Variants in SEMA6D observed in about 807,000 individuals in gnomAD.
The protein encoded by SEMA6D is semaphorin-6D.
In SEMA6D, 35 loss-of-function variants were observed where a neutral mutation model predicts 106.6. The observed-to-expected ratio is 0.33, with a 90% CI of 0.25 to 0.44. The LOEUF (loss-of-function observed/expected upper bound fraction) is 0.44. Among genes scored for constraint, SEMA6D ranks in the 20% least tolerant of loss-of-function variants. SEMA6D has a pLI of 1.00. For missense variants in SEMA6D, 1,185 were observed against 1,345.9 expected (o/e 0.88, Z 1.87); for synonymous variants, 499 against 487.7 (o/e 1.02, Z -0.31).
At chr15:47,197,598 C>G (rs969873967) in intron 1 of SEMA6D, among the ~76,000 whole-genome samples, 1 of 150,408 alleles carries the variant, frequency 6.6e-6, no homozygotes, top group Admixed American at 6.6e-5. Context: ...ATAGTTCATT[C>G]ATAGCCTCTA....
intron 3 of SEMA6D, among the ~76,000 whole-genome samples, chr15:47,495,608 A>T (rs2043628490): frequency 2.0e-5 from 3 of 152,120 alleles, no homozygotes; most frequent in African/African-American, 7.2e-5. Flanking sequence ...TTCTAGTCCG[A>T]ATGTGTGTTT....
chr15:47,198,136 A>T (rs1443149559), intron 1 of SEMA6D, among the ~76,000 whole-genome samples: 1 of 152,112 alleles, frequency 6.6e-6, no homozygotes, highest in Non-Finnish European at 1.5e-5. Flanking sequence ...AATGTAAAAA[A>T]TTGATCTCAT....
chr15:47,559,517 T>C (rs778194811), intron 3 of SEMA6D, among the ~76,000 whole-genome samples: 18 of 152,066 alleles, frequency 1.2e-4, no homozygotes, highest in South Asian at 4.1e-4. Context: ...TATTGGAGCA[T>C]TGACAGTTAA....
intron 18 of SEMA6D, among the ~76,000 whole-genome samples, chr15:47,769,945 A>G (rs891722561): frequency 6.6e-6 from 1 of 152,162 alleles, no homozygotes; most frequent in African/African-American, 2.4e-5. Flanking sequence ...CCAAGCAAAC[A>G]TGAAAGTCTC....
At chr15:47,450,536 C>A (rs968526219) in intron 2 of SEMA6D, among the ~76,000 whole-genome samples, 35 of 152,214 alleles carry the variant, frequency 2.3e-4, no homozygotes, top group African/African-American at 8.2e-4. Flanking sequence ...CTGGCTTCTT[C>A]AAACTGTTTA....
At chr15:47,497,912 C>T (rs1001890140) in intron 3 of SEMA6D, among the ~76,000 whole-genome samples, 1 of 152,086 alleles carries the variant, frequency 6.6e-6, no homozygotes, top group Non-Finnish European at 1.5e-5. Context: ...GAGTTACCTT[C>T]ATCTGTCTAA....
At chr15:47,725,329 A>G (rs2079675079) in intron 1 of SEMA6D, among the ~76,000 whole-genome samples, 1 of 152,236 alleles carries the variant, frequency 6.6e-6, no homozygotes, top group African/African-American at 2.4e-5. Flanking sequence ...TACATTGCAG[A>G]TATAGTTTAT....
chr15:47,646,145 A>G (rs888352460), intron 4 of SEMA6D, among the ~76,000 whole-genome samples: 2 of 152,102 alleles, frequency 1.3e-5, no homozygotes, highest in Admixed American at 6.6e-5. Flanking sequence ...GGTGGGGCCA[A>G]TAGTCCCAAC....
intron 3 of SEMA6D, among the ~76,000 whole-genome samples, chr15:47,478,568 G>A (rs978819150): frequency 1.3e-5 from 2 of 152,160 alleles, no homozygotes; most frequent in Non-Finnish European, 2.9e-5. Flanking sequence ...TACAGTAAAA[G>A]CAAAGAGCCA....
rs1293233025 is a variant in SEMA6D, at chr15:47,518,592, A to G, written c.-87+48047A>G. On this transcript the variant is annotated intron_variant, in intron 3 of 19. Transcript: ENST00000558014. ...AGTTTTAGAACAACGGTAAGTATTT[A>G]TATATCTAAATATACCTAAACATGG... Among the ~76,000 whole-genome samples the G allele has an allele frequency of 5.3e-5, 8 of 152,362 alleles. 2 individuals are homozygous for G. The South Asian group carries it at 1.0e-3, about 20-fold the overall frequency.
At chr15:47,703,649 A>G (rs1168701862) in intron 4 of SEMA6D, among the ~76,000 whole-genome samples, 1 of 152,186 alleles carries the variant, frequency 6.6e-6, no homozygotes, top group African/African-American at 2.4e-5. Flanking sequence ...AAAGTAGAAA[A>G]TTAATATTAT....
rs2082336885 is a variant in SEMA6D at position 47,766,331 on chromosome 15, A to G, written c.1646+149A>G. Reference sequence around the variant, plus strand: ...GAAAACGAAAACCAGGAGACGTGACAAGGAAGGGAATAATAATACTTAAGG... The same window carrying G: ...GAAAACGAAAACCAGGAGACGTGACGAGGAAGGGAATAATAATACTTAAGG... On this transcript the variant is annotated intron_variant, in intron 15 of 18. Coordinates refer to ENST00000536845, the MANE Select transcript of SEMA6D (RefSeq NM_001358351.3). 4.2e-6 allele frequency: 3 copies of G among 708,848 alleles called. No individual in the cohort carries two copies. The African/African-American group carries it at 5.4e-5, about 13-fold the overall frequency. 43.9% of individuals were successfully genotyped at this position (708,848 alleles called of 1,614,324 possible).
intron 3 of SEMA6D, among the ~76,000 whole-genome samples, chr15:47,571,417 G>A (rs1435379776): frequency 6.6e-6 from 1 of 152,216 alleles, no homozygotes; most frequent in African/African-American, 2.4e-5. Flanking sequence ...TCTGCTGTCT[G>A]ATTAGAGCAT....
chr15:47,382,713 G>T (rs1008129900), intron 1 of SEMA6D, among the ~76,000 whole-genome samples: 5 of 152,216 alleles, frequency 3.3e-5, no homozygotes, highest in Non-Finnish European at 7.3e-5. Context: ...AAAAGCATGG[G>T]ATCAGAGGGA....
intron 4 of SEMA6D, among the ~76,000 whole-genome samples, chr15:47,613,273 TA>T (rs1346132006): frequency 6.6e-6 from 1 of 152,188 alleles, no homozygotes; most frequent in Non-Finnish European, 1.5e-5. Flanking sequence ...ATTCATTCAT[TA>T]GGTTACATTT....
At chr15:47,213,072 A>C (rs1048696203) in intron 1 of SEMA6D, among the ~76,000 whole-genome samples, 2 of 152,212 alleles carry the variant, frequency 1.3e-5, no homozygotes, top group Admixed American at 1.3e-4. Flanking sequence ...AAGTGTTGGC[A>C]ATGTTCTTAC....
intron 1 of SEMA6D, among the ~76,000 whole-genome samples, chr15:47,721,253 C>G (rs1359936614): frequency 6.6e-6 from 1 of 152,190 alleles, no homozygotes; most frequent in Non-Finnish European, 1.5e-5. Context: ...GATTTTAAAG[C>G]AAGATTATCC....
At chr15:47,564,284 G>C (rs1279930594) in intron 3 of SEMA6D, among the ~76,000 whole-genome samples, 1 of 152,198 alleles carries the variant, frequency 6.6e-6, no homozygotes, top group Admixed American at 6.5e-5. Context: ...AATGAGGAAA[G>C]TGGTGGTATT....
intron 1 of SEMA6D, among the ~76,000 whole-genome samples, chr15:47,325,237 C>T (rs2037083463): frequency 6.6e-6 from 1 of 151,298 alleles, no homozygotes; most frequent in Admixed American, 6.6e-5. Flanking sequence ...GCAGTGGCGC[C>T]ATCTCGGCTC....
Sources: allele counts gnomAD v4.1 joint callset (sites outside exome capture counted in the v4.1 genomes callset), GRCh38; gene constraint gnomAD v4.1.1; transcripts MANE v1.5; gene names NCBI Gene and HGNC (gene_info 2026-07-23, HGNC 2026-07-21).